WDR86: variants seen among roughly 807,000 people sequenced by gnomAD.
The protein encoded by WDR86 is WD repeat domain 86.
In WDR86, 30 loss-of-function variants were observed where a neutral mutation model predicts 36.5. That is an observed-to-expected ratio of 0.82 (90% CI 0.61 to 1.11). The LOEUF is 1.11. Among genes scored for constraint, WDR86 ranks in the 50% most tolerant of loss-of-function variants. The probability of loss-of-function intolerance (pLI) is 0.00; values close to 1 mark genes in which losing one functional copy is unlikely to be tolerated. For missense variants in WDR86, 545 were observed against 561.2 expected (o/e 0.97, Z 0.29); for synonymous variants, 255 against 252.9 (o/e 1.01, Z -0.08).
chr7:151,374,106 C>G, downstream of WDR86: 1 of 1,558,878 alleles, frequency 6.4e-7, no homozygotes, highest in Non-Finnish European at 8.7e-7. Context: ...GGAACTGGCC[C>G]AAATAAGGAA....
chr7:151,394,360 T>C (rs6968784), intron 3 of WDR86, among the ~76,000 whole-genome samples: 2,976 of 152,262 alleles, frequency 0.02, 105 homozygotes, highest in African/African-American at 0.068. Context: ...ATGGGGCCCC[T>C]GGCCTGGCTC....
rs1800744736 is a variant in WDR86, at chr7:151,406,917, T to C, written c.163+2510A>G. 6.6e-6 allele frequency among the ~76,000 whole-genome samples: 1 copy of C among 152,072 alleles called. No individual in the cohort carries two copies. The highest frequency in any genetic ancestry group is 1.5e-5 in the Non-Finnish European group (1 of 68,010). On this transcript the variant is annotated intron_variant, in intron 1 of 5. Transcript: ENST00000334493. This position sits in a 1 kb window ranked among gnomAD's most constrained non-coding sequence, Gnocchi z 4.4. ...CTAAACAAATGTTAAGACATTTTAA[T>C]AATATTTCACTGATAGAAAAAAAAA...
intron 2 of WDR86, among the ~76,000 whole-genome samples, chr7:151,399,690 C>T (rs954696820): frequency 9.2e-5 from 14 of 152,242 alleles, no homozygotes; most frequent in African/African-American, 2.4e-4. Flanking sequence ...TCCTCAACTC[C>T]GTCTTCGGAA....
At chr7:151,379,903 G>GGCCGGCAGCACTGCCC (rs542968908), downstream of WDR86, among the ~76,000 whole-genome samples, 321 of 152,326 alleles carry the variant, frequency 2.1e-3, 9 homozygotes, top group Admixed American at 0.02. Context: ...GCTCAGGGCC[G>GGCCGGCAGCACTGCCC]GCCGGCAGCA....
chr7:151,405,678 C>T lies in WDR86; in HGVS notation c.163+3749G>A, dbSNP rs894615131. 1.8e-4 allele frequency among the ~76,000 whole-genome samples: 27 copies of T among 151,930 alleles called. No individual in the cohort carries two copies. The highest frequency in any genetic ancestry group is 6.3e-4 in the African/African-American group (26 of 41,336). ...TCTCCGGTGGGAGCGGTCAGTTGCCCCCAAGCTGTGTGAGGCTGCTGTGGC... is the reference window on the plus strand; with the variant it reads ...TCTCCGGTGGGAGCGGTCAGTTGCCTCCAAGCTGTGTGAGGCTGCTGTGGC... On this transcript the variant is annotated intron_variant, in intron 1 of 5. Transcript: ENST00000334493. This position sits in a 1 kb window ranked among gnomAD's most constrained non-coding sequence, Gnocchi z 4.7.
downstream of WDR86, among the ~76,000 whole-genome samples, chr7:151,380,381 C>T (rs1350911886): frequency 6.6e-6 from 1 of 152,180 alleles, no homozygotes; most frequent in Non-Finnish European, 1.5e-5. Flanking sequence ...GACTATGAAG[C>T]GCATGCTGCT....
downstream of WDR86, among the ~76,000 whole-genome samples, chr7:151,373,557 G>T (rs961753483): frequency 6.6e-6 from 1 of 152,228 alleles, no homozygotes; most frequent in African/African-American, 2.4e-5. Context: ...GGAATGACAG[G>T]CCTCAGAAGG....
At chr7:151,370,650 G>A in the WDR86 span, among the ~76,000 whole-genome samples, 11 of 151,026 alleles carry the variant, frequency 7.3e-5, no homozygotes, top group East Asian at 7.8e-4. Flanking sequence ...CCATTAACTC[G>A]TCATTTAGCA....
intron 4 of WDR86, 126 bp downstream of exon 4, chr7:151,384,962 C>T (rs1280611845): frequency 9.5e-7 from 1 of 1,054,696 alleles, no homozygotes; most frequent in Non-Finnish European, 1.3e-6. Flanking sequence ...AAGGAACGAG[C>T]ACTGCCATTG....
chr7:151,395,856 T>C lies in WDR86; in HGVS notation c.646A>G (p.Thr216Ala). ...HTAFTGSTDA[T>A]IRAWDILSGE... is the part of the protein sequence containing the mutation. ...CTCAGGATGTCCCAGGCACGGATGG[T>C]GGCGTCGGTGCTGCCTGTGAAGGCC... Residue 216 changes from threonine (T) to alanine (A), a missense_variant, in exon 3 of 6, where the codon ACC becomes GCC. By Grantham distance (58) the Thr-to-Ala change is moderately conservative. Transcript: ENST00000334493. 6.3e-7 allele frequency: 1 copy of C among 1,592,118 alleles called. No individual in the cohort carries two copies. The highest frequency in any genetic ancestry group is 8.5e-7 in the Non-Finnish European group (1 of 1,171,466).
At chr7:151,370,395 T>C in the WDR86 span, among the ~76,000 whole-genome samples, 3 of 152,184 alleles carry the variant, frequency 2.0e-5, no homozygotes, top group South Asian at 2.1e-4. Context: ...AGCTGAAAAG[T>C]TGAGTTCTGT....
Position 151,410,020 on chromosome 7 carries a change from G to A in WDR86, c.-431C>T, listed in dbSNP as rs556597339. ...CGAGCGCCCCGCGCCCTCCCCGGCCGAGCGCGGAACAATACGGTCCAGCCT... is the reference window on the plus strand; with the variant it reads ...CGAGCGCCCCGCGCCCTCCCCGGCCAAGCGCGGAACAATACGGTCCAGCCT... On this transcript the variant is annotated 5_prime_UTR_variant, in exon 1 of 6. Transcript: ENST00000334493. 92 of 993,900 alleles carry A rather than the reference G, an allele frequency of 9.3e-5. 1 individual carries two copies. The South Asian group carries it at 3.6e-3, about 39-fold the overall frequency. 61.6% of individuals were successfully genotyped at this position (993,900 alleles called of 1,614,324 possible).
At position 151,406,133 on chromosome 7, in the gene WDR86, T is replaced by G. The variant is rs1800686355; in HGVS notation, c.163+3294A>C. ...TCACTGTGAGCTCACCAACCGCATT[T>G]GAAAGGCAATTCCGTGTATGAACAA... On this transcript the variant is annotated intron_variant, in intron 1 of 5. Transcript: ENST00000334493. This position sits in a 1 kb window ranked among gnomAD's most constrained non-coding sequence, Gnocchi z 4.4. 6.6e-6 allele frequency among the ~76,000 whole-genome samples: 1 copy of G among 152,190 alleles called. No homozygotes were observed. Among genetic ancestry groups the G allele is most frequent in the South Asian group, 2.1e-4 (1 of 4,836 alleles).
intron 3 of WDR86, among the ~76,000 whole-genome samples, chr7:151,387,420 C>T (rs1450442915): frequency 6.6e-6 from 1 of 152,200 alleles, no homozygotes; most frequent in East Asian, 1.9e-4. Context: ...CGAGGGGGCG[C>T]TCCCAGCCCC....
Position 151,395,857 on chromosome 7 carries a change from G to A in WDR86, c.645C>T (p.Ala215=), listed in dbSNP as rs749291966. The A allele has an allele frequency of 6.3e-7, 1 of 1,593,080 alleles. No individual in the cohort carries two copies. The highest frequency in any genetic ancestry group is 8.5e-7 in the Non-Finnish European group (1 of 1,171,918). ...TCAGGATGTCCCAGGCACGGATGGTGGCGTCGGTGCTGCCTGTGAAGGCCG... is the reference window on the plus strand; with the variant it reads ...TCAGGATGTCCCAGGCACGGATGGTAGCGTCGGTGCTGCCTGTGAAGGCCG... ...GHTAFTGSTD[A]TIRAWDILSG... Residue 215 remains alanine, a synonymous_variant, in exon 3 of 6, where the codon GCC becomes GCT. Transcript: ENST00000334493.
chr7:151,382,856 C>T (rs1798699658), intron 4 of WDR86, among the ~76,000 whole-genome samples: 1 of 152,058 alleles, frequency 6.6e-6, no homozygotes, highest in Admixed American at 6.5e-5. Flanking sequence ...CAGGTAACTA[C>T]GGTGGGCAGC....
chr7:151,389,252 G>A (rs371513348), intron 3 of WDR86, among the ~76,000 whole-genome samples: 10 of 151,624 alleles, frequency 6.6e-5, no homozygotes, highest in East Asian at 1.9e-4. Context: ...CACCGTGCCC[G>A]GCCCTCCAGT....
intron 4 of WDR86, 67 bp from the exon 5 acceptor site, chr7:151,382,048 G>C: frequency 2.1e-6 from 3 of 1,444,434 alleles, no homozygotes; most frequent in South Asian, 1.3e-5. Flanking sequence ...GGATGGGGCG[G>C]CGAGAGCGTG....
At chr7:151,383,469 G>A (rs915848454) in intron 4 of WDR86, among the ~76,000 whole-genome samples, 6 of 56,134 alleles carry the variant, frequency 1.1e-4, no homozygotes, top group Admixed American at 2.3e-4. Flanking sequence ...GCAAGACTCC[G>A]TCTCAAAAAA....
Sources: allele counts gnomAD v4.1 joint callset (sites outside exome capture counted in the v4.1 genomes callset), GRCh38; gene constraint gnomAD v4.1.1; non-coding constraint Gnocchi (gnomAD v3.1); transcripts MANE v1.5; gene names NCBI Gene and HGNC (gene_info 2026-07-23, HGNC 2026-07-21).